The following FHIT variants were observed in gnomAD, a reference collection of about 807,000 sequenced individuals.
FHIT encodes bis(5'-adenosyl)-triphosphatase.
FHIT carries 19 observed loss-of-function variants against 17.9 expected under a neutral mutation model. The ratio of observed to expected loss-of-function variants is 1.06; its 90% CI spans 0.74 to 1.56. The LOEUF (loss-of-function observed/expected upper bound fraction) is 1.56, where lower values mean the gene tolerates loss of function less well. FHIT is among the 40% of genes most tolerant of loss of function. The probability of loss-of-function intolerance (pLI) is 0.00; values close to 1 mark genes in which losing one functional copy is unlikely to be tolerated. For synonymous variants in FHIT, 81 were observed against 69.7 expected, an observed-to-expected ratio of 1.16 and a Z score of -0.81; for missense variants, 248 against 189.2, an observed-to-expected ratio of 1.31 and a Z score of -1.82.
chr3:61,057,728 T>C (rs2034277118), intron 2 of FHIT, among the ~76,000 whole-genome samples: 1 of 152,166 alleles, frequency 6.6e-6, no homozygotes, highest in South Asian at 2.1e-4. Context: ...TTCACTGCAC[T>C]CGGGTGGCAG....
At chr3:60,447,848 C>T (rs746566594) in intron 5 of FHIT, among the ~76,000 whole-genome samples, 9 of 152,066 alleles carry the variant, frequency 5.9e-5, no homozygotes, top group Non-Finnish European at 1.2e-4. Flanking sequence ...TAGATGAAGA[C>T]GTATGTAGTA....
At chr3:60,559,462 T>A (rs2036855123) in intron 4 of FHIT, among the ~76,000 whole-genome samples, 1 of 152,202 alleles carries the variant, frequency 6.6e-6, no homozygotes, top group African/African-American at 2.4e-5. Context: ...TGCTGAGATG[T>A]CCCCTCTTGC....
At chr3:60,261,380 T>A (rs1339273918) in intron 5 of FHIT, among the ~76,000 whole-genome samples, 1 of 151,996 alleles carries the variant, frequency 6.6e-6, no homozygotes, top group East Asian at 1.9e-4. Flanking sequence ...AGGAACGTAT[T>A]AATTTCAGAG....
chr3:60,521,463 G>A (rs896183919), intron 5 of FHIT, among the ~76,000 whole-genome samples: 7 of 152,092 alleles, frequency 4.6e-5, no homozygotes, highest in Admixed American at 1.3e-4. Context: ...TAGCCAGGAT[G>A]GTCTCGATCT....
At chr3:60,979,556 C>G (rs1001697359) in intron 3 of FHIT, among the ~76,000 whole-genome samples, 1 of 152,198 alleles carries the variant, frequency 6.6e-6, no homozygotes, top group Non-Finnish European at 1.5e-5. Context: ...TTCTCCAGGG[C>G]AGACAGGGCT....
chr3:60,405,251 C>A (rs1034578465), intron 5 of FHIT, among the ~76,000 whole-genome samples: 8 of 152,230 alleles, frequency 5.3e-5, no homozygotes, highest in Non-Finnish European at 1.0e-4. Context: ...TAACATATAG[C>A]TACCCTTTCC....
chr3:60,346,128 G>A (rs1463030686), intron 5 of FHIT, among the ~76,000 whole-genome samples: 1 of 152,156 alleles, frequency 6.6e-6, no homozygotes, highest in Admixed American at 6.5e-5. Context: ...ATTTGCCCAT[G>A]TCTGCGCCCA....
chr3:59,949,873 C>T (rs1707027068), intron 7 of FHIT, among the ~76,000 whole-genome samples: 1 of 152,176 alleles, frequency 6.6e-6, no homozygotes, highest in Non-Finnish European at 1.5e-5. Flanking sequence ...TATGACTTTG[C>T]ATTAAACAAA....
chr3:59,840,781 T>G (rs1419133378), intron 8 of FHIT, among the ~76,000 whole-genome samples: 1 of 152,130 alleles, frequency 6.6e-6, no homozygotes, highest in Non-Finnish European at 1.5e-5. Flanking sequence ...TAGGTTTATA[T>G]CCCTGCCTCA....
intron 1 of FHIT, among the ~76,000 whole-genome samples, chr3:61,212,087 C>A (rs1404847283): frequency 6.6e-6 from 1 of 152,230 alleles, no homozygotes; most frequent in Admixed American, 6.5e-5. Context: ...CTCTAAAAAG[C>A]AGAGCGCTTC....
At chr3:59,894,251 C>G (rs113909873) in intron 8 of FHIT, among the ~76,000 whole-genome samples, 9 of 152,116 alleles carry the variant, frequency 5.9e-5, no homozygotes, top group Non-Finnish European at 1.5e-5. Context: ...TCTCAAAAAA[C>G]AAACAAACAA....
chr3:60,234,016 C>G (rs941677820), intron 5 of FHIT, among the ~76,000 whole-genome samples: 1 of 152,134 alleles, frequency 6.6e-6, no homozygotes, highest in Non-Finnish European at 1.5e-5. Flanking sequence ...GATTAACAGA[C>G]AAGTCACTTA....
intron 5 of FHIT, among the ~76,000 whole-genome samples, chr3:60,181,881 T>A (rs1250382241): frequency 2.0e-5 from 3 of 152,158 alleles, no homozygotes; most frequent in East Asian, 1.9e-4. Context: ...AGGTACACCC[T>A]CCTATATATA....
intron 3 of FHIT, among the ~76,000 whole-genome samples, chr3:61,041,436 A>G (rs1027724837): frequency 1.3e-5 from 2 of 151,980 alleles, no homozygotes; most frequent in African/African-American, 4.8e-5. Context: ...ATGGAGATCA[A>G]GTCTGTGCGA....
intron 5 of FHIT, among the ~76,000 whole-genome samples, chr3:60,331,323 T>C (rs1197849773): frequency 6.6e-6 from 1 of 152,158 alleles, no homozygotes; most frequent in Admixed American, 6.6e-5. Flanking sequence ...GGTTCCCCTC[T>C]CCCCACATGT....
intron 7 of FHIT, among the ~76,000 whole-genome samples, chr3:59,927,478 A>AAAAAC (rs1221069081): frequency 1.4e-5 from 2 of 142,434 alleles, no homozygotes; most frequent in Non-Finnish European, 3.0e-5. Flanking sequence ...AAAAAAAAAA[A>AAAAAC]AACTGAAGGC....
chr3:60,991,569 G>T (rs1464392170), intron 3 of FHIT, among the ~76,000 whole-genome samples: 1 of 152,118 alleles, frequency 6.6e-6, no homozygotes, highest in Non-Finnish European at 1.5e-5. Context: ...GTCAGTACGG[G>T]TAGTGATTAA....
At chr3:59,986,863 G>A (rs1202435684) in intron 7 of FHIT, among the ~76,000 whole-genome samples, 7 of 89,472 alleles carry the variant, frequency 7.8e-5, no homozygotes, top group African/African-American at 3.2e-4. Flanking sequence ...ATTTACTATA[G>A]AAAAATATTT....
At chr3:59,944,941 G>C (rs983155349) in intron 7 of FHIT, among the ~76,000 whole-genome samples, 2 of 152,128 alleles carry the variant, frequency 1.3e-5, no homozygotes, top group Non-Finnish European at 2.9e-5. Flanking sequence ...TGGGCTTTTA[G>C]GTTGATTATA....
Sources: gnomAD v4.1 joint callset for allele counts (sites outside exome capture counted in the v4.1 genomes callset) on GRCh38, gnomAD v4.1.1 for gene constraint, MANE v1.5 for transcripts, NCBI Gene and HGNC (gene_info 2026-07-23, HGNC 2026-07-21) for gene names.